Variants in MAPK8IP3 observed in about 807,000 individuals in gnomAD.
MAPK8IP3 encodes the protein mitogen-activated protein kinase 8 interacting protein 3.
Under a neutral mutation model 157.8 loss-of-function variants are expected in MAPK8IP3, and 49 were observed. The observed-to-expected ratio is 0.31, with a 90% CI of 0.25 to 0.39. The LOEUF (loss-of-function observed/expected upper bound fraction) is 0.39, where lower values mean the gene tolerates loss of function less well. Ranked by LOEUF, MAPK8IP3 falls within the 10% of genes least tolerant of loss-of-function variation. MAPK8IP3 has a pLI of 1.00. For missense variants in MAPK8IP3, 1,478 were observed against 1,889.4 expected (o/e 0.78, Z 4.04); for synonymous variants, 897 against 777.7 (o/e 1.15, Z -2.55).
chr16:1,738,526 CTG>C (rs1282076825), intron 4 of MAPK8IP3, among the ~76,000 whole-genome samples: 6 of 104,034 alleles, frequency 5.8e-5, no homozygotes, highest in East Asian at 2.9e-4. Context: ...ATGTGAGCAT[CTG>C]TGTGACTGTC....
In MAPK8IP3 at chr16:1,766,711, T is replaced by TGC; in HGVS notation, c.2940-12_2940-11insGC. 1.2e-6 allele frequency: 2 copies of TGC among 1,612,698 alleles called. No individual in the cohort carries two copies. On this transcript the variant is annotated splice_polypyrimidine_tract_variant and intron_variant, in intron 23 of 31. Coordinates refer to ENST00000610761, the MANE Select transcript of MAPK8IP3 (RefSeq NM_001318852.2). Reference sequence around the variant, plus strand: ...GGGTGAGCCCCTCGCCCATCGCCGCTTCCTTCCCTAGGCTCTATGTGCACT... The same window carrying TGC: ...GGGTGAGCCCCTCGCCCATCGCCGCTGCTCCTTCCCTAGGCTCTATGTGCACT...
Position 1,742,048 on chromosome 16 carries a change from C to T in MAPK8IP3, c.603-1284C>T, listed in dbSNP as rs979701665. On this transcript the variant is annotated intron_variant, in intron 4 of 31. Coordinates refer to ENST00000610761, the MANE Select transcript of MAPK8IP3 (RefSeq NM_001318852.2). This position sits in a 1 kb window ranked among gnomAD's most constrained non-coding sequence, Gnocchi z 5.0. ...AACCCCTGAGGAAGCTCCCTTCCCT[C>T]CTACAGTCTCAGGGCTGAGATGTAA... Among the ~76,000 whole-genome samples, 1 of 152,170 alleles carries T rather than the reference C, an allele frequency of 6.6e-6. No homozygotes were observed. Among genetic ancestry groups the T allele is most frequent in the Non-Finnish European group, 1.5e-5 (1 of 68,034 alleles).
Position 1,759,006 on chromosome 16 carries a change from G to A in MAPK8IP3, c.1246+11G>A, listed in dbSNP as rs1365623689. On this transcript the variant is annotated intron_variant, in intron 10 of 31. Coordinates refer to ENST00000610761, the MANE Select transcript of MAPK8IP3 (RefSeq NM_001318852.2). ...GCGATGATTTCTTTGGTAAGGCTGA[G>A]GCCCCGTTCCAGCGTGCGTCGCTCC... 18 of 1,614,180 alleles carry A rather than the reference G, an allele frequency of 1.1e-5. No homozygotes were observed. The highest frequency in any genetic ancestry group is 2.2e-5 in the East Asian group (1 of 44,880).
Position 1,747,012 on chromosome 16 carries a change from C to A in MAPK8IP3, c.748-17C>A, listed in dbSNP as rs781204502. 1.9e-6 allele frequency: 3 copies of A among 1,611,734 alleles called. No homozygotes were observed. Among genetic ancestry groups the A allele is most frequent in the Non-Finnish European group, 2.5e-6 (3 of 1,178,600 alleles). On this transcript the variant is annotated splice_polypyrimidine_tract_variant and intron_variant, in intron 5 of 31. Coordinates refer to ENST00000610761, the MANE Select transcript of MAPK8IP3 (RefSeq NM_001318852.2). The stretch of plus-strand genomic sequence containing the variant: ...CTGCAGTGACTCGCTCTCCCTCCTC[C>A]CTGTGTTTGGCCTTAGTGTCCACAG...
chr16:1,732,773 G>A (rs996141291), intron 4 of MAPK8IP3, among the ~76,000 whole-genome samples: 1 of 150,750 alleles, frequency 6.6e-6, no homozygotes, highest in Non-Finnish European at 1.5e-5. Context: ...CCCGAGAACG[G>A]GTGGTGCCAG....
chr16:1,762,291 G>A (rs978503964), intron 13 of MAPK8IP3, 60 bp from the exon 14 acceptor site: 8 of 1,509,292 alleles, frequency 5.3e-6, no homozygotes, highest in Non-Finnish European at 7.1e-6. Flanking sequence ...ACCCCAGGAG[G>A]AAGCAGGTGT....
chr16:1,738,007 T>C (rs1464156041), intron 4 of MAPK8IP3, among the ~76,000 whole-genome samples: 6 of 77,416 alleles, frequency 7.8e-5, no homozygotes, highest in Admixed American at 1.4e-4. Context: ...TGTGAGCATC[T>C]GTGTGACCGT....
chr16:1,718,515 C>T (rs1041288615), intron 1 of MAPK8IP3, among the ~76,000 whole-genome samples: 4 of 151,254 alleles, frequency 2.6e-5, no homozygotes, highest in African/African-American at 7.3e-5. Context: ...TTTTCTAGGC[C>T]GGGTACGGTG....
intron 4 of MAPK8IP3, among the ~76,000 whole-genome samples, chr16:1,733,587 C>T (rs1171594171): frequency 6.6e-6 from 1 of 152,220 alleles, no homozygotes; most frequent in South Asian, 2.1e-4. Flanking sequence ...GAGGTGTCCC[C>T]GCGGGACCCA....
At position 1,724,409 on chromosome 16, in the gene MAPK8IP3, C is replaced by A; in HGVS notation, c.319-148C>A. The A allele has an allele frequency of 1.9e-6, 2 of 1,079,872 alleles. No homozygotes were observed. Among genetic ancestry groups the A allele is most frequent in the South Asian group, 1.5e-5 (1 of 64,936 alleles). 66.9% of individuals were successfully genotyped at this position (1,079,872 alleles called of 1,614,324 possible). On this transcript the variant is annotated intron_variant, in intron 1 of 31. Coordinates refer to ENST00000610761, the MANE Select transcript of MAPK8IP3 (RefSeq NM_001318852.2). This position sits in a 1 kb window ranked among gnomAD's most constrained non-coding sequence, Gnocchi z 4.1. ...GTGGCCACAGCCACGTGGCGGGAAG[C>A]CCCCATTCCGGCCTGGCCATGGGCC...
chr16:1,739,219 C>CATCT (rs2040410723), intron 4 of MAPK8IP3, among the ~76,000 whole-genome samples: 1 of 98,780 alleles, frequency 1.0e-5, no homozygotes, highest in African/African-American at 4.0e-5. Context: ...TCCGTGTGAG[C>CATCT]GTGTGACCGT....
intron 8 of MAPK8IP3, 114 bp from the exon 9 acceptor site, chr16:1,758,034 G>A (rs1393868371): frequency 2.8e-6 from 3 of 1,064,370 alleles, no homozygotes; most frequent in South Asian, 1.4e-5. Flanking sequence ...CAACATGGGA[G>A]CAGCCGAATC....
At chr16:1,723,350 T>G (rs1005264144) in intron 1 of MAPK8IP3, among the ~76,000 whole-genome samples, 1 of 152,060 alleles carries the variant, frequency 6.6e-6, no homozygotes, top group Non-Finnish European at 1.5e-5. Context: ...GAGGTTGCAG[T>G]GTATTTTTTA....
In MAPK8IP3 at chr16:1,763,790, G is replaced by T; in HGVS notation, c.2025+7G>T. The stretch of plus-strand genomic sequence containing the variant: ...GCCCGCCAAGTACAAGCAGGTGCGG[G>T]CGGGCGCTGCGGGGACCGGGCGGGG... On this transcript the variant is annotated splice_region_variant and intron_variant, in intron 17 of 31. Coordinates refer to ENST00000610761, the MANE Select transcript of MAPK8IP3 (RefSeq NM_001318852.2). 6.6e-7 allele frequency: 1 copy of T among 1,521,714 alleles called. No individual in the cohort carries two copies. 94.3% of individuals were successfully genotyped at this position (1,521,714 alleles called of 1,614,324 possible). A position where few individuals can be genotyped will look rare whatever the true frequency, so the allele number is the denominator to read the frequency against.
intron 3 of MAPK8IP3, 52 bp downstream of exon 3, chr16:1,729,260 C>A (rs761057738): frequency 5.2e-5 from 82 of 1,579,372 alleles, no homozygotes; most frequent in Non-Finnish European, 7.0e-5. Flanking sequence ...AGGGCCGCGG[C>A]CTGACGCCTG....
intron 4 of MAPK8IP3, among the ~76,000 whole-genome samples, chr16:1,736,515 CGTGT>C (rs201542494): frequency 2.8e-5 from 1 of 35,744 alleles, no homozygotes; most frequent in Admixed American, 4.5e-4. Context: ...TGTGACCGTC[CGTGT>C]GTGACCGTCC....
chr16:1,708,979 A>G lies in MAPK8IP3; in HGVS notation c.318+2322A>G, dbSNP rs565445805. On this transcript the variant is annotated intron_variant, in intron 1 of 31. Transcript: ENST00000610761. ...TTGTGATCACATAGACGTGTGTCTG[A>G]TAAGAGGGGAGCGGGACGTCACACG... 2.8e-3 allele frequency among the ~76,000 whole-genome samples: 426 copies of G among 152,234 alleles called. 1 individual carries two copies. The highest frequency in any genetic ancestry group is 5.1e-3 in the Non-Finnish European group (346 of 68,028).
intron 8 of MAPK8IP3, among the ~76,000 whole-genome samples, chr16:1,750,731 G>A (rs2041241582): frequency 6.6e-6 from 1 of 151,300 alleles, no homozygotes; most frequent in Non-Finnish European, 1.5e-5. Flanking sequence ...TGCAACCTCT[G>A]CCTTCCCGGG....
At chr16:1,737,249 T>TCC (rs1567166598) in intron 4 of MAPK8IP3, among the ~76,000 whole-genome samples, 3 of 98,022 alleles carry the variant, frequency 3.1e-5, no homozygotes, top group Admixed American at 1.1e-4. Context: ...CGTGTGACCG[T>TCC]GTGAGCGTCC....
Sources: gnomAD v4.1 joint callset for allele counts (sites outside exome capture counted in the v4.1 genomes callset) on GRCh38, gnomAD v4.1.1 for gene constraint, Gnocchi (gnomAD v3.1) non-coding constraint, MANE v1.5 for transcripts, NCBI Gene and HGNC (gene_info 2026-07-23, HGNC 2026-07-21) for gene names.